The following KANSL1 variants were observed in gnomAD, a reference collection of about 807,000 sequenced individuals.
KANSL1 encodes the protein KAT8 regulatory NSL complex subunit 1, also known as MLL1/MLL complex subunit KANSL1.
In KANSL1, 22 loss-of-function variants were observed where a neutral mutation model predicts 103.6. That is an observed-to-expected ratio of 0.21 (90% CI 0.15 to 0.30). KANSL1 has a LOEUF of 0.30. Among genes scored for constraint, KANSL1 ranks in the 10% least tolerant of loss-of-function variants. KANSL1 has a pLI of 1.00. For synonymous variants in KANSL1, 600 were observed against 527.6 expected (o/e 1.14, Z -1.88); for missense variants, 1,337 against 1,399.8 (o/e 0.96, Z 0.72).
In KANSL1 at chr17:46,066,731, G is replaced by T. The variant is rs144337302; in HGVS notation, c.1654C>A (p.Leu552Ile). ...LRPVNGVINT[L>I]QPVLADHIPG... ...ATGTGGTCTGCCAAGACAGGCTGAA[G>T]ACTATACAAGGGGAAGGAAGAGTAT... The change falls in exon 6 of 15, where the codon CTT (leucine) becomes ATT (isoleucine). Residue 552 changes from leucine (L) to isoleucine (I), a missense_variant and splice_region_variant. Transcript: ENST00000432791. 81 of 1,611,292 alleles carry T rather than the reference G, an allele frequency of 5.0e-5. No homozygotes were observed. In the African/African-American group the frequency reaches 1.0e-3, roughly 20 times the overall value.
chr17:46,152,673 T>C (rs1178508766), intron 2 of KANSL1, among the ~76,000 whole-genome samples: 3 of 152,226 alleles, frequency 2.0e-5, no homozygotes, highest in Non-Finnish European at 4.4e-5. Context: ...GTAAATTGTT[T>C]TCTTTTTGAA....
intron 6 of KANSL1, among the ~76,000 whole-genome samples, chr17:46,055,476 A>G (rs2077891689): frequency 6.6e-6 from 1 of 152,028 alleles, no homozygotes; most frequent in African/African-American, 2.4e-5. Flanking sequence ...AAAAAAAAAA[A>G]AAAGTGAAAA....
intron 7 of KANSL1, chr17:46,042,401 C>T (rs2077357595): frequency 6.6e-6 from 1 of 152,116 alleles, no homozygotes; most frequent in Admixed American, 6.5e-5. Context: ...TTCCATGAGG[C>T]AAACACAATT....
In KANSL1 at chr17:46,193,294, A is replaced by T. The variant is rs574639316; in HGVS notation, c.-561T>A. ...AGCCGCCCCCCGCGCCGCCGCGGCG[A>T]GACGAGTCGGCTTCGCTACGGTGCT... On this transcript the variant is annotated 5_prime_UTR_variant, in exon 1 of 15. Transcript: ENST00000432791. 6.6e-6 allele frequency: 1 copy of T among 151,012 alleles called. No homozygotes were observed. The highest frequency in any genetic ancestry group is 2.1e-4 in the South Asian group (1 of 4,842). 9.4% of individuals were successfully genotyped at this position (151,012 alleles called of 1,614,324 possible). A position where few individuals can be genotyped will look rare whatever the true frequency, so the allele number is the denominator to read the frequency against.
chr17:46,043,123 A>G (rs1273069947), intron 7 of KANSL1: 1 of 152,252 alleles, frequency 6.6e-6, no homozygotes, highest in Non-Finnish European at 1.5e-5. Context: ...AAGAGGCTCA[A>G]GAAAGGAGAC....
Position 46,031,483 on chromosome 17 carries a change from T to G in KANSL1, c.3311A>C (p.His1104Pro). ...TAGATGGCTGTCTCCCGCTCATCTG[T>G]GAGTCGGGCGCTGAGCTGTGGCTGC... The part of the protein sequence containing the change: ...VAAATAQRPT[H>P]R Residue 1104 changes from histidine (H) to proline (P), a missense_variant, in exon 15 of 15, where the codon CAC (histidine) becomes CCC (proline). Physicochemically the swap from His to Pro is moderately conservative, Grantham distance 77 (BLOSUM62 -2). Coordinates refer to ENST00000432791, the MANE Select transcript of KANSL1 (RefSeq NM_015443.4). 2.5e-6 allele frequency: 4 copies of G among 1,605,336 alleles called. No individual in the cohort carries two copies. Among genetic ancestry groups the G allele is most frequent in the Non-Finnish European group, 3.4e-6 (4 of 1,173,774 alleles).
At chr17:46,084,484 C>A (rs956418129) in intron 3 of KANSL1, among the ~76,000 whole-genome samples, 3 of 151,576 alleles carry the variant, frequency 2.0e-5, no homozygotes, top group Admixed American at 2.0e-4. Context: ...GAGTGCGAGA[C>A]CAGCCTGGCC....
intron 14 of KANSL1, 170 bp from the exon 15 acceptor site, chr17:46,031,873 C>A: frequency 9.3e-7 from 1 of 1,070,218 alleles, no homozygotes; most frequent in South Asian, 1.5e-5. Flanking sequence ...CTGTATTGAT[C>A]ATTTAGCAGT....
chr17:46,039,312 G>A (rs958543059), intron 8 of KANSL1, 97 bp from the exon 9 acceptor site: 118 of 1,131,472 alleles, frequency 1.0e-4, no homozygotes, highest in Non-Finnish European at 2.2e-5. Flanking sequence ...GGCCAACGCC[G>A]TATACCCAGG....
chr17:46,095,900 G>T (rs948722021), intron 2 of KANSL1, among the ~76,000 whole-genome samples: 9 of 152,072 alleles, frequency 5.9e-5, no homozygotes, highest in African/African-American at 2.2e-4. Context: ...ATATAAAAAT[G>T]TGTCATCTCG....
intron 6 of KANSL1, among the ~76,000 whole-genome samples, chr17:46,064,189 G>T (rs2078290400): frequency 6.6e-6 from 1 of 151,900 alleles, no homozygotes; most frequent in South Asian, 2.1e-4. Flanking sequence ...GGAAGAAATG[G>T]TATCGCCTGA....
At chr17:46,032,653 T>C (rs960619920) in intron 13 of KANSL1, 2 of 333,086 alleles carry the variant, frequency 6.0e-6, no homozygotes, top group Non-Finnish European at 1.1e-5. Flanking sequence ...CGAGGGTTTC[T>C]GCCACTGTTA....
Position 46,171,841 on chromosome 17 carries a change from G to A in KANSL1, c.303C>T (p.Val101=). The change falls in exon 2 of 15, where the codon GTC becomes GTT. Residue 101 remains valine (V), a synonymous_variant. Coordinates refer to ENST00000432791, the MANE Select transcript of KANSL1 (RefSeq NM_015443.4). ...PSKESLKLQG[V]FSKQTVLKSH... is the part of the protein sequence containing the mutation. ...ATTTAAGGACTGTCTGCTTGCTGAA[G>A]ACCCCTTGCAACTTCAAAGACTCCT... 6.2e-7 allele frequency: 1 copy of A among 1,614,222 alleles called. No individual in the cohort carries two copies. The highest frequency in any genetic ancestry group is 8.5e-7 in the Non-Finnish European group (1 of 1,180,020).
intron 1 of KANSL1, among the ~76,000 whole-genome samples, chr17:46,199,802 ATTTAC>A (rs141184610): frequency 0.13 from 18,860 of 149,758 alleles, 46 homozygotes; most frequent in Middle Eastern, 0.18. Flanking sequence ...TCTAGAAATA[ATTTAC>A]TTTAGGATAA....
At chr17:46,132,923 G>A (rs996538691) in intron 2 of KANSL1, among the ~76,000 whole-genome samples, 3 of 140,784 alleles carry the variant, frequency 2.1e-5, no homozygotes, top group Admixed American at 7.4e-5. Flanking sequence ...CAGCTTGGGC[G>A]ACACAGCAAG....
chr17:46,074,180 T>A (rs9907738), intron 4 of KANSL1, among the ~76,000 whole-genome samples: 1 of 151,968 alleles, frequency 6.6e-6, no homozygotes, highest in African/African-American at 2.4e-5. Flanking sequence ...ACATCTAGTA[T>A]TAGAAAGTAT....
Position 46,104,244 on chromosome 17 carries a change from A to T in KANSL1, c.1290-9543T>A, listed in dbSNP as rs373325789. Among the ~76,000 whole-genome samples, 17 of 152,318 alleles carry T rather than the reference A, an allele frequency of 1.1e-4. No homozygotes were observed. In the East Asian group the frequency reaches 1.9e-3, roughly 17 times the overall value. On this transcript the variant is annotated intron_variant, in intron 2 of 14. Transcript: ENST00000432791. ...TTCATCAAACATGGTAAACATATAC[A>T]TATTATATACTCTGCCTAGCACAAT...
chr17:46,069,702 C>A (rs1478937610), intron 4 of KANSL1, among the ~76,000 whole-genome samples: 1 of 152,028 alleles, frequency 6.6e-6, no homozygotes, highest in African/African-American at 2.4e-5. Context: ...CCAAATCACG[C>A]CACTGCACTG....
intron 1 of KANSL1, among the ~76,000 whole-genome samples, chr17:46,179,277 T>C (rs1032403443): frequency 6.6e-6 from 1 of 152,208 alleles, no homozygotes; most frequent in African/African-American, 2.4e-5. Context: ...CTGCTTCAAA[T>C]ACTGTAAGTC....
Sources: allele counts gnomAD v4.1 joint callset (sites outside exome capture counted in the v4.1 genomes callset), GRCh38; gene constraint gnomAD v4.1.1; transcripts MANE v1.5; gene names NCBI Gene and HGNC (gene_info 2026-07-23, HGNC 2026-07-21).